The following BDNF variants were observed in gnomAD, a reference collection of about 807,000 sequenced individuals.
BDNF encodes brain derived neurotrophic factor, also known as neurotrophic factor BDNF precursor form.
BDNF carries 1 observed loss-of-function variant against 19.5 expected under a neutral mutation model. The ratio of observed to expected loss-of-function variants is 0.05; its 90% confidence interval spans 0.02 to 0.24. The LOEUF is 0.24. BDNF is among the 10% of genes least tolerant of loss of function. The probability of loss-of-function intolerance (pLI) is 1.00; values close to 1 mark genes in which losing one functional copy is unlikely to be tolerated. For synonymous variants in BDNF, 100 were observed against 121.6 expected, an observed-to-expected ratio of 0.82 and a Z score of 1.17; for missense variants, 195 against 317.6, an observed-to-expected ratio of 0.61 and a Z score of 2.93.
chr11:27,661,228 TAACTG>T (rs1245143644), intron 1 of BDNF, among the ~76,000 whole-genome samples: 2 of 152,216 alleles, frequency 1.3e-5, no homozygotes, highest in African/African-American at 4.8e-5. Context: ...CAATTCTAAC[TAACTG>T]TCTACTCACT....
At chr11:27,698,254 A>AAAAAT (rs1859401658) in intron 1 of BDNF, 1 of 139,158 alleles carries the variant, frequency 7.2e-6, no homozygotes, top group African/African-American at 2.7e-5. Context: ...AAAAAAAAAA[A>AAAAAT]AAGTCTTAAG....
chr11:27,670,960 A>T (rs1199112359), intron 1 of BDNF, among the ~76,000 whole-genome samples: 1 of 152,218 alleles, frequency 6.6e-6, no homozygotes, highest in Non-Finnish European at 1.5e-5. Context: ...ATGCACACGT[A>T]TGTTTATTGC....
intron 1 of BDNF, among the ~76,000 whole-genome samples, chr11:27,708,013 C>T (rs1403210812): frequency 6.6e-6 from 1 of 152,088 alleles, no homozygotes; most frequent in Non-Finnish European, 1.5e-5. Flanking sequence ...AAATGAAGAC[C>T]AACACTTCCT....
chr11:27,658,696 T>A lies in BDNF; in HGVS notation c.-21-111A>T. ...CCAGGCCATTCTGCAGGGTCAAGGTTTTTTTATGTCTTGGTGATAAACTCC... is the reference window on the plus strand; with the variant it reads ...CCAGGCCATTCTGCAGGGTCAAGGTATTTTTATGTCTTGGTGATAAACTCC... On this transcript the variant is annotated intron_variant, in intron 1 of 1. Coordinates refer to ENST00000356660, the MANE Select transcript of BDNF (RefSeq NM_001709.5). The surrounding 1 kb of genome is among the most constrained non-coding windows in gnomAD (Gnocchi z 5.7). 6.3e-7 allele frequency: 1 copy of A among 1,594,106 alleles called. No individual in the cohort carries two copies. The highest frequency in any genetic ancestry group is 1.8e-5 in the Admixed American group (1 of 56,012).
Position 27,697,156 on chromosome 11 carries a change from CACACACACAG to C in BDNF, c.-22+2998_-22+3007del, listed in dbSNP as rs761889646. Among the ~76,000 whole-genome samples the C allele has an allele frequency of 1.2e-3, 83 of 69,328 alleles. 1 individual carries two copies. The South Asian group carries it at 0.038, about 31-fold the overall frequency. The allele number at this position is 69,328 out of a possible 152,430, so 45.5% of individuals were successfully genotyped here. A position where few individuals can be genotyped will look rare whatever the true frequency, so the allele number is the denominator to read the frequency against. On this transcript the variant is annotated intron_variant, in intron 1 of 1. Transcript: ENST00000356660. ...GCGCACGTGCACGCACACACACACA[CACACACACAG>C]AGAGAGAGAGAGAGAGAGAGAGAGA...
At chr11:27,712,267 G>C (rs924244839) in intron 1 of BDNF, among the ~76,000 whole-genome samples, 2 of 152,146 alleles carry the variant, frequency 1.3e-5, no homozygotes, top group African/African-American at 4.8e-5. Context: ...AGTAGTACTT[G>C]CATGCTTTCT....
chr11:27,679,773 C>T (rs1371886701), intron 1 of BDNF, among the ~76,000 whole-genome samples: 2 of 152,202 alleles, frequency 1.3e-5, no homozygotes, highest in Non-Finnish European at 2.9e-5. Context: ...TCAAGGTGCA[C>T]GTCAGGGGCA....
At chr11:27,714,446 G>T (rs1860443046) in intron 1 of BDNF, among the ~76,000 whole-genome samples, 3 of 152,040 alleles carry the variant, frequency 2.0e-5, no homozygotes, top group African/African-American at 7.2e-5. Flanking sequence ...CTTGCACAAA[G>T]AAAATAAGCA....
intron 1 of BDNF, among the ~76,000 whole-genome samples, chr11:27,692,128 T>C (rs897776521): frequency 2.0e-5 from 3 of 152,200 alleles, no homozygotes; most frequent in Non-Finnish European, 4.4e-5. Flanking sequence ...ACTCAATTCA[T>C]GATGCTAAAC....
intron 1 of BDNF, chr11:27,676,984 A>G (rs1004400816): frequency 6.6e-6 from 1 of 152,230 alleles, no homozygotes; most frequent in Admixed American, 6.5e-5. Flanking sequence ...TGCTACAGGA[A>G]ATTCTGCAAG....
intron 1 of BDNF, among the ~76,000 whole-genome samples, chr11:27,659,954 C>CACTT (rs1853194967): frequency 1.3e-5 from 2 of 152,188 alleles, no homozygotes; most frequent in African/African-American, 4.8e-5. Context: ...ACTTCAGAAT[C>CACTT]ACTTACCTGA....
intron 1 of BDNF, among the ~76,000 whole-genome samples, chr11:27,687,068 A>C (rs542429921): frequency 6.6e-6 from 1 of 152,164 alleles, no homozygotes; most frequent in South Asian, 2.1e-4. Context: ...TGGTCTTTTC[A>C]CATAGTCCCA....
intron 1 of BDNF, among the ~76,000 whole-genome samples, chr11:27,690,680 A>G (rs1349708695): frequency 6.6e-6 from 1 of 152,206 alleles, no homozygotes; most frequent in Non-Finnish European, 1.5e-5. Flanking sequence ...CCAAAGAGAT[A>G]CTGTTACTAA....
intron 1 of BDNF, among the ~76,000 whole-genome samples, chr11:27,678,655 G>T (rs1428585315): frequency 6.6e-6 from 1 of 152,164 alleles, no homozygotes; most frequent in Non-Finnish European, 1.5e-5. Context: ...TATAGTTGTT[G>T]GAGACATGTG....
intron 1 of BDNF, chr11:27,698,249 A>AAAAAAAAAAAAAAAAAAAAT (rs1859395487): frequency 2.1e-5 from 3 of 142,466 alleles, no homozygotes; most frequent in Admixed American, 6.9e-5. Flanking sequence ...AAAAAAAAAA[A>AAAAAAAAAAAAAAAAAAAAT]AAAAAAAGTC....
chr11:27,697,153 A>ACG (rs1859130476), intron 1 of BDNF, among the ~76,000 whole-genome samples: 1 of 88,878 alleles, frequency 1.1e-5, no homozygotes, highest in Non-Finnish European at 3.0e-5. Flanking sequence ...GCACACACAC[A>ACG]CACACACACA....
At chr11:27,714,128 C>T (rs1331835431) in intron 1 of BDNF, among the ~76,000 whole-genome samples, 2 of 152,190 alleles carry the variant, frequency 1.3e-5, no homozygotes, top group South Asian at 2.1e-4. Context: ...TGTTTTTGAA[C>T]TACTGCAGCA....
intron 1 of BDNF, among the ~76,000 whole-genome samples, chr11:27,668,124 C>G (rs565188671): frequency 1.3e-5 from 2 of 152,304 alleles, no homozygotes; most frequent in Admixed American, 1.3e-4. Flanking sequence ...TCACTCAGAA[C>G]CACTCAACTA....
intron 1 of BDNF, among the ~76,000 whole-genome samples, chr11:27,682,743 C>CT (rs1564970057): frequency 6.6e-6 from 1 of 152,094 alleles, no homozygotes; most frequent in Non-Finnish European, 1.5e-5. Context: ...TGAACTCATC[C>CT]TTTTTTATGG....
Sources: allele counts gnomAD v4.1 joint callset (sites outside exome capture counted in the v4.1 genomes callset), GRCh38; gene constraint gnomAD v4.1.1; non-coding constraint Gnocchi (gnomAD v3.1); transcripts MANE v1.5; gene names NCBI Gene and HGNC (gene_info 2026-07-23, HGNC 2026-07-21).